Variants in B3GALT1 observed in about 807,000 individuals in gnomAD.
The protein encoded by B3GALT1 is UDP-Gal:betaGlcNAc beta 1,3-galactosyltransferase, polypeptide 1.
A neutral mutation model predicts 23.2 loss-of-function variants in B3GALT1; 10 were observed. That is an observed-to-expected ratio of 0.43 (90% CI 0.27 to 0.73). The LOEUF is 0.73. B3GALT1 is among the 30% of genes least tolerant of loss of function. B3GALT1 has a pLI of 0.21. For missense variants in B3GALT1, 299 were observed against 405.4 expected (o/e 0.74, Z 2.25); for synonymous variants, 156 against 141.5 (o/e 1.10, Z -0.73).
intron 1 of B3GALT1, among the ~76,000 whole-genome samples, chr2:167,462,538 C>T (rs1699274685): frequency 6.6e-6 from 1 of 152,224 alleles, no homozygotes; most frequent in Non-Finnish European, 1.5e-5. Flanking sequence ...AATTATTTTT[C>T]CCCTAAAAAT....
chr2:167,538,311 T>C (rs998840999), intron 2 of B3GALT1, among the ~76,000 whole-genome samples: 11 of 152,216 alleles, frequency 7.2e-5, no homozygotes, highest in African/African-American at 2.7e-4. Context: ...CACACATGCA[T>C]GCATACAAAT....
At chr2:167,621,030 C>G (rs1685247038) in intron 2 of B3GALT1, among the ~76,000 whole-genome samples, 1 of 150,280 alleles carries the variant, frequency 6.7e-6, no homozygotes, top group South Asian at 2.1e-4. Context: ...TATTAAAATA[C>G]TTAATGCTAG....
At chr2:167,836,551 T>C (rs1225024485) in intron 4 of B3GALT1, among the ~76,000 whole-genome samples, 3 of 152,142 alleles carry the variant, frequency 2.0e-5, no homozygotes, top group East Asian at 1.9e-4. Context: ...CTACGTCTGA[T>C]TGGTGTACCT....
chr2:167,701,136 C>T (rs1686875846), intron 3 of B3GALT1, among the ~76,000 whole-genome samples: 1 of 152,194 alleles, frequency 6.6e-6, no homozygotes, highest in African/African-American at 2.4e-5. Context: ...CCACCTCACT[C>T]AGCAGCTTGG....
chr2:167,533,097 G>A (rs79541537), intron 2 of B3GALT1, among the ~76,000 whole-genome samples: 4,194 of 151,420 alleles, frequency 0.028, 157 homozygotes, highest in East Asian at 0.11. Context: ...TTGACATCAG[G>A]TGATCTGCCT....
intron 3 of B3GALT1, among the ~76,000 whole-genome samples, chr2:167,737,477 C>A (rs2105272386): frequency 6.6e-6 from 1 of 152,322 alleles, no homozygotes; most frequent in Non-Finnish European, 1.5e-5. Context: ...AGTTCTGGAT[C>A]TTGCTGTCTA....
At chr2:167,638,364 G>T (rs1417045824) in intron 2 of B3GALT1, among the ~76,000 whole-genome samples, 1 of 152,090 alleles carries the variant, frequency 6.6e-6, no homozygotes, top group East Asian at 1.9e-4. Context: ...ATATGACATT[G>T]TATGAACTTA....
chr2:167,459,868 T>G (rs1175543139), intron 1 of B3GALT1, among the ~76,000 whole-genome samples: 1 of 152,180 alleles, frequency 6.6e-6, no homozygotes, highest in African/African-American at 2.4e-5. Context: ...GATATAGGAT[T>G]CTTGGTTGAC....
chr2:167,761,343 G>A (rs866155395), intron 3 of B3GALT1, among the ~76,000 whole-genome samples: 4 of 152,198 alleles, frequency 2.6e-5, no homozygotes, highest in Admixed American at 1.3e-4. Context: ...AATGTCATAC[G>A]TGAAAAAGGA....
chr2:167,338,612 G>A (rs892757229), intron 1 of B3GALT1, among the ~76,000 whole-genome samples: 3 of 152,034 alleles, frequency 2.0e-5, no homozygotes, highest in African/African-American at 4.8e-5. Context: ...ACCTTTTTAA[G>A]ATAATAACTA....
At chr2:167,601,310 G>A (rs1449136715) in intron 2 of B3GALT1, among the ~76,000 whole-genome samples, 1 of 151,912 alleles carries the variant, frequency 6.6e-6, no homozygotes, top group Admixed American at 6.6e-5. Flanking sequence ...GCCTCCCAAA[G>A]TGCTGGGATT....
At chr2:167,629,739 T>A (rs2105446050) in intron 2 of B3GALT1, among the ~76,000 whole-genome samples, 1 of 151,844 alleles carries the variant, frequency 6.6e-6, no homozygotes, top group East Asian at 1.9e-4. Flanking sequence ...AAATAAAAAT[T>A]TTTTGTGCAT....
intron 4 of B3GALT1, among the ~76,000 whole-genome samples, chr2:167,852,711 TC>T (rs1390538846): frequency 1.3e-5 from 2 of 152,114 alleles, no homozygotes; most frequent in Non-Finnish European, 2.9e-5. Context: ...ATATAAAACA[TC>T]TTTTGATACA....
intron 1 of B3GALT1, among the ~76,000 whole-genome samples, chr2:167,413,498 C>A (rs1057086437): frequency 2.6e-5 from 4 of 151,958 alleles, no homozygotes; most frequent in Non-Finnish European, 5.9e-5. Context: ...TCATAAATTA[C>A]TTCCTCCTAT....
intron 2 of B3GALT1, among the ~76,000 whole-genome samples, chr2:167,606,709 G>A (rs1438369200): frequency 6.6e-6 from 1 of 152,162 alleles, no homozygotes; most frequent in Non-Finnish European, 1.5e-5. Flanking sequence ...AAAGATTGGG[G>A]CAAACTTAAA....
In B3GALT1 at chr2:167,561,294, ACAGT is replaced by A. The variant is rs1343180720; in HGVS notation, c.-410+71021_-410+71024del. On this transcript the variant is annotated intron_variant, in intron 2 of 4. Coordinates refer to ENST00000392690, the MANE Select transcript of B3GALT1 (RefSeq NM_020981.4). ...CACAACATACCAGAATCTCTGGGAC[ACAGT>A]CAGAGCAGTGTGTAGACGGAAATTT... Among the ~76,000 whole-genome samples, 6 of 152,342 alleles carry A rather than the reference ACAGT, an allele frequency of 3.9e-5. No homozygotes were observed. In the South Asian group the frequency reaches 6.2e-4, roughly 16 times the overall value.
At chr2:167,448,859 C>A (rs1029574695) in intron 1 of B3GALT1, among the ~76,000 whole-genome samples, 2 of 152,084 alleles carry the variant, frequency 1.3e-5, no homozygotes, top group Admixed American at 1.3e-4. Flanking sequence ...ATAGGGTGTG[C>A]TTTCTCCACT....
chr2:167,841,733 TA>T (rs112448426), intron 4 of B3GALT1, among the ~76,000 whole-genome samples: 1,991 of 152,300 alleles, frequency 0.013, 36 homozygotes, highest in African/African-American at 0.045. Context: ...ATTAGGAAAG[TA>T]AAATGCCCTA....
intron 2 of B3GALT1, among the ~76,000 whole-genome samples, chr2:167,512,737 A>C (rs1327952975): frequency 1.4e-5 from 2 of 146,688 alleles, no homozygotes; most frequent in Non-Finnish European, 3.0e-5. Flanking sequence ...CATGGGCTCA[A>C]ATGATCCTCC....
Sources: allele counts gnomAD v4.1 joint callset (sites outside exome capture counted in the v4.1 genomes callset), GRCh38; gene constraint gnomAD v4.1.1; transcripts MANE v1.5; gene names NCBI Gene and HGNC (gene_info 2026-07-23, HGNC 2026-07-21).